GSE1: variants seen among roughly 807,000 people sequenced by gnomAD.
GSE1 encodes the protein Gse1 coiled-coil protein, also known as genetic suppressor element 1.
GSE1 carries 32 observed loss-of-function variants against 112.6 expected under a neutral mutation model. The observed-to-expected ratio is 0.28, with a 90% CI of 0.21 to 0.38. The LOEUF is 0.38. Ranked by LOEUF, GSE1 falls within the 10% of genes least tolerant of loss-of-function variation. GSE1 has a pLI of 1.00. For missense variants in GSE1, 2,348 were observed against 1,699.2 expected, an observed-to-expected ratio of 1.38 and a Z score of -6.71; for synonymous variants, 1,115 against 735.6, an observed-to-expected ratio of 1.52 and a Z score of -8.35.
At chr16:85,359,163 A>T (rs141417715) in intron 2 of GSE1, among the ~76,000 whole-genome samples, 86 of 152,242 alleles carry the variant, frequency 5.6e-4, no homozygotes, top group African/African-American at 2.1e-3. Flanking sequence ...CCCACCTGTC[A>T]CTCAGGACAT....
At chr16:85,508,389 T>G (rs73267221) in intron 2 of GSE1, among the ~76,000 whole-genome samples, 5,962 of 152,278 alleles carry the variant, frequency 0.039, 388 homozygotes, top group African/African-American at 0.13. Flanking sequence ...CGCAGGTAGC[T>G]TCTACCTAGC....
At position 85,644,427 on chromosome 16, in the gene GSE1, G is replaced by T. The variant is rs913387195; in HGVS notation, c.227-4125G>T. Among the ~76,000 whole-genome samples, 6 of 152,260 alleles carry T rather than the reference G, an allele frequency of 3.9e-5. No homozygotes were observed. In the South Asian group the frequency reaches 1.2e-3, roughly 32 times the overall value. ...GCCCAGCCTGTATGCCACCAGCTGA[G>T]GGACGGACCAGTAAGGAGTGGGTGG... is the stretch of plus-strand genomic sequence containing the variant. On this transcript the variant is annotated intron_variant, in intron 2 of 15. Transcript: ENST00000253458.
intron 1 of GSE1, among the ~76,000 whole-genome samples, chr16:85,312,383 C>T (rs774285717): frequency 2.6e-5 from 4 of 152,180 alleles, no homozygotes; most frequent in Non-Finnish European, 4.4e-5. Context: ...TTCCAAGGCT[C>T]GGGGACCCGT....
intron 1 of GSE1, among the ~76,000 whole-genome samples, chr16:85,585,073 C>CTTT (rs1440132380): frequency 6.6e-6 from 1 of 152,102 alleles, no homozygotes; most frequent in African/African-American, 2.4e-5. Context: ...AGAAAAGTTG[C>CTTT]GAGGACATTT....
chr16:85,211,406 C>T (rs1027345265), intron 1 of GSE1, among the ~76,000 whole-genome samples: 2 of 152,112 alleles, frequency 1.3e-5, no homozygotes, highest in Non-Finnish European at 2.9e-5. Context: ...ATCTTGACTC[C>T]AGCCAAGCAT....
chr16:85,304,054 C>A (rs1252856706), intron 1 of GSE1, among the ~76,000 whole-genome samples: 1 of 152,192 alleles, frequency 6.6e-6, no homozygotes, highest in Non-Finnish European at 1.5e-5. Context: ...CAGAAAAAGC[C>A]GCAGGACAGA....
chr16:85,632,675 G>T lies in GSE1; in HGVS notation c.8-1239G>T, dbSNP rs572319898. Among the ~76,000 whole-genome samples the T allele has an allele frequency of 2.6e-5, 4 of 152,250 alleles. No individual in the cohort carries two copies. The East Asian group carries it at 5.8e-4, about 22-fold the overall frequency. On this transcript the variant is annotated intron_variant, in intron 1 of 15. Transcript: ENST00000253458. ...GCCTCTTCCGGGGAGGAACCTGGGG[G>T]CCCCCTTGCCCTTACCCCATAGGAA...
chr16:85,304,402 G>T (rs890106539), intron 1 of GSE1, among the ~76,000 whole-genome samples: 6 of 152,210 alleles, frequency 3.9e-5, no homozygotes, highest in Non-Finnish European at 7.3e-5. Flanking sequence ...CCTGCATTCT[G>T]TGGGGGCTGG....
intron 1 of GSE1, among the ~76,000 whole-genome samples, chr16:85,240,994 C>T (rs1905122225): frequency 2.6e-5 from 4 of 152,180 alleles, no homozygotes; most frequent in African/African-American, 9.7e-5. Context: ...GCCTTGGTGT[C>T]TCTCAGTCCA....
intron 2 of GSE1, among the ~76,000 whole-genome samples, chr16:85,460,835 A>G (rs533776286): frequency 5.6e-4 from 85 of 152,158 alleles, no homozygotes; most frequent in African/African-American, 2.0e-3. Flanking sequence ...GGGGGTGGGG[A>G]GAGTCTGCCA....
At chr16:85,284,598 A>T (rs950895765) in intron 1 of GSE1, among the ~76,000 whole-genome samples, 1 of 152,234 alleles carries the variant, frequency 6.6e-6, no homozygotes, top group Non-Finnish European at 1.5e-5. Context: ...CAGATGCTGT[A>T]TTCGAGCCAG....
At chr16:85,219,349 A>G (rs535357232) in intron 1 of GSE1, among the ~76,000 whole-genome samples, 1 of 152,366 alleles carries the variant, frequency 6.6e-6, no homozygotes, top group East Asian at 1.9e-4. Flanking sequence ...TTTTAAAAAA[A>G]TGAATTATAT....
chr16:85,648,983 C>T (rs1017422680), intron 3 of GSE1, among the ~76,000 whole-genome samples: 2 of 152,166 alleles, frequency 1.3e-5, no homozygotes, highest in South Asian at 2.1e-4. Flanking sequence ...AAGAAACCAC[C>T]CGCTGGGGGT....
chr16:85,254,496 C>T (rs1171722164), intron 1 of GSE1, among the ~76,000 whole-genome samples: 2 of 152,190 alleles, frequency 1.3e-5, no homozygotes, highest in Admixed American at 1.3e-4. Context: ...CGGAGAGGTC[C>T]CCTGACCCCA....
At chr16:85,545,739 C>G (rs1234677036) in intron 2 of GSE1, among the ~76,000 whole-genome samples, 1 of 152,122 alleles carries the variant, frequency 6.6e-6, no homozygotes, top group Non-Finnish European at 1.5e-5. Flanking sequence ...GACCTAGAGA[C>G]CTATGGGTAT....
At chr16:85,587,396 C>T (rs2046757511) in intron 1 of GSE1, among the ~76,000 whole-genome samples, 1 of 152,212 alleles carries the variant, frequency 6.6e-6, no homozygotes, top group African/African-American at 2.4e-5. Flanking sequence ...CCTGGCCGTA[C>T]CATCTGCATG....
intron 2 of GSE1, among the ~76,000 whole-genome samples, chr16:85,646,776 G>A (rs1270546183): frequency 2.0e-5 from 3 of 152,102 alleles, no homozygotes; most frequent in Admixed American, 6.5e-5. Context: ...GGCTGGGCAG[G>A]GCTCTTGACC....
intron 2 of GSE1, among the ~76,000 whole-genome samples, chr16:85,510,508 C>G (rs1361073823): frequency 6.6e-6 from 1 of 152,152 alleles, no homozygotes; most frequent in Non-Finnish European, 1.5e-5. Context: ...TTGCTTTGTG[C>G]CTGCAGCTGT....
At position 85,331,355 on chromosome 16, in the gene GSE1, G is replaced by GTATATATATATGTATATATA. The variant is rs1467067903; in HGVS notation, c.2284-26107_2284-26106insATATATATATGTATATATAT. Among the ~76,000 whole-genome samples the GTATATATATATGTATATATA allele has an allele frequency of 5.2e-5, 3 of 57,342 alleles. 1 individual carries two copies. Among genetic ancestry groups the GTATATATATATGTATATATA allele is most frequent in the African/African-American group, 1.5e-4 (3 of 19,584 alleles). The allele number at this position is 57,342 out of a possible 152,430, so 37.6% of individuals were successfully genotyped here. On this transcript the variant is annotated intron_variant, in intron 1 of 2. Coordinates refer to the GSE1 transcript ENST00000637419. ...TGTGTGTGTGTGTGTGTGTGTGTGT[G>GTATATATATATGTATATATA]TGTGTGTGTGTATATATGTATATAT...
Sources: gnomAD v4.1 joint callset for allele counts (sites outside exome capture counted in the v4.1 genomes callset) on GRCh38, gnomAD v4.1.1 for gene constraint, MANE v1.5 for transcripts, NCBI Gene and HGNC (gene_info 2026-07-23, HGNC 2026-07-21) for gene names.